CCDC91: variants seen among roughly 807,000 people sequenced by gnomAD.
CCDC91 encodes the protein coiled-coil domain containing 91, also known as coiled-coil domain-containing protein 91.
Under a neutral mutation model 63.2 loss-of-function variants are expected in CCDC91, and 48 were observed. That is an observed-to-expected ratio of 0.76 (90% confidence interval 0.60 to 0.97). CCDC91 has a LOEUF of 0.97. CCDC91 is among the 50% of genes least tolerant of loss of function. CCDC91 has a pLI of 0.00. For missense variants in CCDC91, 500 were observed against 494.6 expected (o/e 1.01, Z -0.10); for synonymous variants, 167 against 165.8 (o/e 1.01, Z -0.06).
intron 12 of CCDC91, among the ~76,000 whole-genome samples, chr12:28,533,801 A>G (rs562617473): frequency 6.6e-6 from 1 of 151,804 alleles, no homozygotes. Flanking sequence ...TTTTGCTGCA[A>G]TTTTTTTTCA....
Position 28,201,115 on chromosome 12 carries a change from G to A in CCDC91, c.-15+10474G>A, listed in dbSNP as rs550353262. Among the ~76,000 whole-genome samples the A allele has an allele frequency of 1.3e-3, 189 of 150,554 alleles. 2 individuals carry two copies. Among genetic ancestry groups the A allele is most frequent in the African/African-American group, 4.4e-3 (180 of 41,126 alleles). ...CCCTCACCTCCCGGACGGGGCGGCT[G>A]GCCGGGCGGGGGGCTGACCCCCACC... On this transcript the variant is annotated intron_variant, in intron 1 of 12. Transcript: ENST00000536442.
chr12:28,366,332 C>T (rs926877137), intron 7 of CCDC91, among the ~76,000 whole-genome samples: 1 of 152,012 alleles, frequency 6.6e-6, no homozygotes, highest in African/African-American at 2.4e-5. Context: ...AGTGAGTAAC[C>T]CAGAAATAGC....
intron 8 of CCDC91, among the ~76,000 whole-genome samples, chr12:28,433,437 T>G (rs1205472027): frequency 6.6e-6 from 1 of 152,012 alleles, no homozygotes; most frequent in African/African-American, 2.4e-5. Flanking sequence ...TGCGTGTGGA[T>G]GTTCAGATGT....
At chr12:28,389,592 A>ATTAAC (rs1371063967) in intron 7 of CCDC91, among the ~76,000 whole-genome samples, 3 of 152,076 alleles carry the variant, frequency 2.0e-5, no homozygotes, top group Non-Finnish European at 4.4e-5. Flanking sequence ...ATTTTATTTT[A>ATTAAC]TTAACTTACC....
intron 3 of CCDC91, among the ~76,000 whole-genome samples, chr12:28,305,098 T>C (rs1397786613): frequency 6.6e-6 from 1 of 152,122 alleles, no homozygotes; most frequent in East Asian, 1.9e-4. Flanking sequence ...GTTGGATTAG[T>C]TGTTTCAAAG....
intron 8 of CCDC91, among the ~76,000 whole-genome samples, chr12:28,436,763 T>TTTA (rs1555213074): frequency 1.3e-5 from 2 of 151,900 alleles, no homozygotes; most frequent in South Asian, 2.1e-4. Flanking sequence ...AGATTTTTTT[T>TTTA]TTATTATTAT....
At chr12:28,272,860 T>G (rs1045047871) in intron 3 of CCDC91, among the ~76,000 whole-genome samples, 1 of 152,074 alleles carries the variant, frequency 6.6e-6, no homozygotes, top group African/African-American at 2.4e-5. Flanking sequence ...AAATTATACT[T>G]TAAGTTTTAG....
chr12:28,510,110 T>G (rs1939203900), intron 12 of CCDC91, among the ~76,000 whole-genome samples: 1 of 151,364 alleles, frequency 6.6e-6, no homozygotes, highest in African/African-American at 2.4e-5. Flanking sequence ...GATAATAAAT[T>G]GAAATAAAAG....
chr12:28,541,650 A>G (rs1942638341), intron 12 of CCDC91, among the ~76,000 whole-genome samples: 1 of 152,072 alleles, frequency 6.6e-6, no homozygotes, highest in African/African-American at 2.4e-5. Flanking sequence ...ATGTTAATTT[A>G]ATTTAGAAAA....
At chr12:28,264,196 C>T (rs1947018093) in intron 3 of CCDC91, among the ~76,000 whole-genome samples, 1 of 151,572 alleles carries the variant, frequency 6.6e-6, no homozygotes, top group South Asian at 2.1e-4. Flanking sequence ...TAATATATTA[C>T]AGGTCTAGAA....
intron 3 of CCDC91, among the ~76,000 whole-genome samples, chr12:28,274,393 T>A (rs1008943993): frequency 4.6e-5 from 7 of 152,170 alleles, no homozygotes; most frequent in African/African-American, 1.7e-4. Flanking sequence ...CATTGGTACC[T>A]TGATGGGGAT....
At chr12:28,398,829 T>C (rs80315277) in intron 8 of CCDC91, among the ~76,000 whole-genome samples, 1,819 of 152,328 alleles carry the variant, frequency 0.012, 38 homozygotes, top group African/African-American at 0.042. Context: ...TCTTTTTGCT[T>C]ATTTTATTAT....
chr12:28,526,706 CT>C (rs2141544637), intron 12 of CCDC91, among the ~76,000 whole-genome samples: 1 of 152,168 alleles, frequency 6.6e-6, no homozygotes, highest in East Asian at 1.9e-4. Flanking sequence ...ATTTTCTAAA[CT>C]TTTAGTTTTC....
At chr12:28,224,242 T>A (rs1015449217) in intron 1 of CCDC91, among the ~76,000 whole-genome samples, 18 of 152,180 alleles carry the variant, frequency 1.2e-4, no homozygotes, top group Admixed American at 9.8e-4. Flanking sequence ...TCCAGAGTCA[T>A]CCCATATGAT....
At chr12:28,286,491 G>A (rs557370908) in intron 3 of CCDC91, among the ~76,000 whole-genome samples, 13 of 152,270 alleles carry the variant, frequency 8.5e-5, no homozygotes, top group African/African-American at 3.1e-4. Flanking sequence ...AGTTTGCTAA[G>A]GGTAATAATG....
chr12:28,338,407 G>A (rs1376348668), intron 6 of CCDC91, among the ~76,000 whole-genome samples: 3 of 151,832 alleles, frequency 2.0e-5, no homozygotes, highest in African/African-American at 7.3e-5. Context: ...CCATGTAGGT[G>A]TGCTTCACCC....
chr12:28,293,066 A>G (rs1348100750), intron 3 of CCDC91, among the ~76,000 whole-genome samples: 1 of 152,210 alleles, frequency 6.6e-6, no homozygotes, highest in African/African-American at 2.4e-5. Context: ...GAAAAGAAAG[A>G]AGATTTTAAT....
chr12:28,487,012 A>G (rs1274527000), intron 12 of CCDC91, among the ~76,000 whole-genome samples: 1 of 152,046 alleles, frequency 6.6e-6, no homozygotes, highest in Non-Finnish European at 1.5e-5. Flanking sequence ...TACAGAAAGT[A>G]GAAATAACTA....
chr12:28,273,138 C>T (rs1185477523), intron 3 of CCDC91, among the ~76,000 whole-genome samples: 1 of 151,968 alleles, frequency 6.6e-6, no homozygotes, highest in Non-Finnish European at 1.5e-5. Flanking sequence ...TGGTTTCCAG[C>T]TTCATCCATG....
Sources: allele counts gnomAD v4.1 joint callset (sites outside exome capture counted in the v4.1 genomes callset), GRCh38; gene constraint gnomAD v4.1.1; transcripts MANE v1.5; gene names NCBI Gene and HGNC (gene_info 2026-07-23, HGNC 2026-07-21).